PLOD2: variants seen among roughly 807,000 people sequenced by gnomAD.
The protein encoded by PLOD2 is lysine hydroxylase 2.
Under a neutral mutation model 101.0 loss-of-function variants are expected in PLOD2, and 65 were observed. The observed-to-expected ratio is 0.64, with a 90% CI of 0.53 to 0.79. PLOD2 has a LOEUF of 0.79. Among genes scored for constraint, PLOD2 ranks in the 30% least tolerant of loss-of-function variants. PLOD2 has a pLI of 0.00. For missense variants in PLOD2, 909 were observed against 914.6 expected (o/e 0.99, Z 0.08); for synonymous variants, 314 against 302.9 (o/e 1.04, Z -0.38).
chr3:146,080,306 A>T (rs1438706964), intron 12 of PLOD2, among the ~76,000 whole-genome samples: 1 of 126,726 alleles, frequency 7.9e-6, no homozygotes, highest in Non-Finnish European at 1.9e-5. Context: ...TAACAACAAT[A>T]ATAGAACAAC....
intron 3 of PLOD2, among the ~76,000 whole-genome samples, chr3:146,117,351 T>C (rs1477687301): frequency 1.3e-5 from 2 of 152,194 alleles, no homozygotes; most frequent in African/African-American, 4.8e-5. Context: ...AGTTTAGGAA[T>C]TGTGTTACAG....
At chr3:146,153,985 A>T (rs2032187933) in intron 1 of PLOD2, among the ~76,000 whole-genome samples, 1 of 152,228 alleles carries the variant, frequency 6.6e-6, no homozygotes. Context: ...ACCCCAAATT[A>T]AATGAGCAGA....
At chr3:146,113,749 ATG>A (rs1006759687) in intron 3 of PLOD2, among the ~76,000 whole-genome samples, 12 of 152,156 alleles carry the variant, frequency 7.9e-5, no homozygotes, top group African/African-American at 2.7e-4. Context: ...TTAGTAAATC[ATG>A]TGTGTTTAAA....
rs1435982916 is a variant in PLOD2, at chr3:146,073,219, G to GTAT, written c.1743+65_1743+67dup. The GTAT allele has an allele frequency of 5.3e-5, 34 of 638,888 alleles. No individual in the cohort carries two copies. The Admixed American group carries it at 8.9e-4, about 17-fold the overall frequency. 39.6% of individuals were successfully genotyped at this position (638,888 alleles called of 1,614,324 possible). On this transcript the variant is annotated intron_variant, in intron 16 of 19. Coordinates refer to ENST00000282903, the MANE Select transcript of PLOD2 (RefSeq NM_182943.3). ...CACTTTCACATCTTCTGTGAAAGTA[G>GTAT]TATTAATAATATTTCTTCTGGAAAA...
At chr3:146,143,932 C>T (rs2031649602) in intron 1 of PLOD2, among the ~76,000 whole-genome samples, 1 of 152,012 alleles carries the variant, frequency 6.6e-6, no homozygotes, top group African/African-American at 2.4e-5. Flanking sequence ...TCACTATCCC[C>T]TCCTTGTCCC....
chr3:146,137,744 G>A (rs1172146613), intron 1 of PLOD2, among the ~76,000 whole-genome samples: 2 of 152,078 alleles, frequency 1.3e-5, no homozygotes, highest in African/African-American at 4.8e-5. Context: ...AATAAATTCC[G>A]AGTACCAGGT....
At chr3:146,151,548 A>C (rs73148985) in intron 1 of PLOD2, among the ~76,000 whole-genome samples, 1 of 151,804 alleles carries the variant, frequency 6.6e-6, no homozygotes, top group Non-Finnish European at 1.5e-5. Flanking sequence ...AAGGATCACA[A>C]ATTACAAGTA....
chr3:146,150,903 C>T (rs775215615), intron 1 of PLOD2, among the ~76,000 whole-genome samples: 1 of 152,166 alleles, frequency 6.6e-6, no homozygotes, highest in Non-Finnish European at 1.5e-5. Context: ...AAACACCAGA[C>T]TTGTTTTCTC....
intron 3 of PLOD2, among the ~76,000 whole-genome samples, chr3:146,117,936 G>C (rs973112770): frequency 1.3e-5 from 2 of 151,958 alleles, no homozygotes; most frequent in Non-Finnish European, 2.9e-5. Flanking sequence ...TTAGATAGGG[G>C]GCCGGAGGTG....
At chr3:146,129,206 G>C (rs2030759678) in intron 1 of PLOD2, among the ~76,000 whole-genome samples, 1 of 152,098 alleles carries the variant, frequency 6.6e-6, no homozygotes, top group African/African-American at 2.4e-5. Context: ...AAGCATAATA[G>C]AGATGTTGAG....
intron 1 of PLOD2, among the ~76,000 whole-genome samples, chr3:146,153,883 T>C (rs929532601): frequency 2.1e-4 from 32 of 150,660 alleles, no homozygotes; most frequent in Non-Finnish European, 2.9e-4. Context: ...GAAAGTCCTA[T>C]CTCTCACCTA....
chr3:146,077,433 G>A (rs1276503911), intron 14 of PLOD2: 3 of 163,666 alleles, frequency 1.8e-5, no homozygotes, highest in Admixed American at 1.2e-4. Flanking sequence ...CCAGACAAAT[G>A]TGGCAAACAC....
intron 12 of PLOD2, 32 bp from the exon 13 acceptor site, chr3:146,079,289 C>T (rs1936450044): frequency 6.5e-7 from 1 of 1,542,564 alleles, no homozygotes; most frequent in Non-Finnish European, 8.9e-7. Flanking sequence ...TCTTATATAC[C>T]ACAAATACAA....
chr3:146,089,176 T>C (rs973328350), intron 8 of PLOD2, among the ~76,000 whole-genome samples: 2 of 151,648 alleles, frequency 1.3e-5, no homozygotes, highest in African/African-American at 4.8e-5. Flanking sequence ...CCTGAGACTT[T>C]ATCCTTTTAT....
At chr3:146,139,905 C>T (rs755216133) in intron 1 of PLOD2, among the ~76,000 whole-genome samples, 3 of 152,092 alleles carry the variant, frequency 2.0e-5, no homozygotes, top group Non-Finnish European at 4.4e-5. Flanking sequence ...TCTCTTTCCT[C>T]ACCTCGTATA....
chr3:146,111,944 G>A (rs1445667423), intron 3 of PLOD2, among the ~76,000 whole-genome samples: 9 of 152,070 alleles, frequency 5.9e-5, no homozygotes, highest in Non-Finnish European at 4.4e-5. Context: ...CTGAAAGAGC[G>A]ACTACCATGC....
chr3:146,095,460 G>A (rs1487766465), intron 7 of PLOD2, among the ~76,000 whole-genome samples: 1 of 151,126 alleles, frequency 6.6e-6, no homozygotes, highest in Admixed American at 6.6e-5. Flanking sequence ...TGAAAAAAAA[G>A]CTCATCATCA....
intron 1 of PLOD2, among the ~76,000 whole-genome samples, chr3:146,149,359 C>G (rs1047010129): frequency 2.6e-5 from 4 of 152,008 alleles, no homozygotes; most frequent in Non-Finnish European, 5.9e-5. Flanking sequence ...TATAGAAAAT[C>G]AGATATAATT....
intron 7 of PLOD2, among the ~76,000 whole-genome samples, chr3:146,098,368 A>G (rs1456136503): frequency 6.6e-6 from 1 of 152,218 alleles, no homozygotes; most frequent in Non-Finnish European, 1.5e-5. Flanking sequence ...ACCAGTTTCT[A>G]TCTAAAAATT....
Sources: allele counts gnomAD v4.1 joint callset (sites outside exome capture counted in the v4.1 genomes callset), GRCh38; gene constraint gnomAD v4.1.1; transcripts MANE v1.5; gene names NCBI Gene and HGNC (gene_info 2026-07-23, HGNC 2026-07-21).